The following ZMYM6 variants were observed in gnomAD, a reference collection of about 807,000 sequenced individuals.
ZMYM6 encodes the protein zinc finger MYM-type protein 6.
In ZMYM6, 90 loss-of-function variants were observed where a neutral mutation model predicts 134.0. The ratio of observed to expected loss-of-function variants is 0.67; its 90% confidence interval spans 0.57 to 0.80. ZMYM6 has a LOEUF of 0.80. Ranked by LOEUF, ZMYM6 falls within the 30% of genes least tolerant of loss-of-function variation. The pLI is 0.00. For missense variants in ZMYM6, 1,362 were observed against 1,533.9 expected (o/e 0.89, Z 1.87); for synonymous variants, 481 against 524.1 (o/e 0.92, Z 1.12).
chr1:34,989,257 GC>G (rs1168543615), intron 15 of ZMYM6: 2 of 1,048,940 alleles, frequency 1.9e-6, no homozygotes, highest in African/African-American at 3.4e-5. Context: ...AAACTTTTTG[GC>G]TGAGCAGGGT....
chr1:35,005,091 A>AC (rs1459287055), intron 13 of ZMYM6, 41 bp downstream of exon 13: 1 of 1,610,024 alleles, frequency 6.2e-7, no homozygotes, highest in South Asian at 1.1e-5. Context: ...GACAACACTC[A>AC]CTTCTATGGC....
Position 35,025,466 on chromosome 1 carries a change from C to CAAAAAAAAAAAAAAA in ZMYM6, c.94-5014_94-5000dup, listed in dbSNP as rs1161814959. Among the ~76,000 whole-genome samples the CAAAAAAAAAAAAAAA allele has an allele frequency of 3.4e-3, 186 of 54,470 alleles. 2 individuals carry two copies. The highest frequency in any genetic ancestry group is 4.7e-3 in the Non-Finnish European group (120 of 25,532). 35.7% of individuals were successfully genotyped at this position (54,470 alleles called of 152,430 possible). ...TGGGCTACAAAGCAAGACTCCATCC[C>CAAAAAAAAAAAAAAA]AAAAAAAAAAAAAAAAAAAAAAGAA... is the stretch of plus-strand genomic sequence containing the variant. On this transcript the variant is annotated intron_variant, in intron 2 of 15. Coordinates refer to ENST00000357182, the MANE Select transcript of ZMYM6 (RefSeq NM_007167.4).
At chr1:35,015,329 G>A (rs1273028623) in intron 4 of ZMYM6, among the ~76,000 whole-genome samples, 167 bp from the exon 5 acceptor site, 1 of 152,144 alleles carries the variant, frequency 6.6e-6, no homozygotes, top group Non-Finnish European at 1.5e-5. Flanking sequence ...TATCAGGTGA[G>A]TGACAATGAA....
Position 34,988,509 on chromosome 1 carries a change from A to G in ZMYM6, c.2573T>C (p.Val858Ala), listed in dbSNP as rs758467434. ...ACCCAAAACTTCTGAACACATTTCT[A>G]CTAAATATGGTTTAATTAATTCTTC... ...IAEELIKPYL[V>A]EMCSEVLGSS... Residue 858 changes from valine to alanine, a missense_variant, in exon 16 of 16, where the codon GTA (valine) becomes GCA (alanine). Physicochemically the swap from Val to Ala is moderately conservative, Grantham distance 64. Coordinates refer to ENST00000357182, the MANE Select transcript of ZMYM6 (RefSeq NM_007167.4). 2 of 1,550,990 alleles carry G rather than the reference A, an allele frequency of 1.3e-6. No individual in the cohort carries two copies. The highest frequency in any genetic ancestry group is 1.7e-6 in the Non-Finnish European group (2 of 1,146,718).
chr1:34,995,343 C>T (rs963639195), intron 14 of ZMYM6, among the ~76,000 whole-genome samples: 5 of 149,422 alleles, frequency 3.3e-5, no homozygotes, highest in South Asian at 2.1e-4. Context: ...TATGTATATA[C>T]GTTGTATATG....
At chr1:35,006,588 C>T (rs1004387756) in intron 12 of ZMYM6, among the ~76,000 whole-genome samples, 12 of 152,184 alleles carry the variant, frequency 7.9e-5, no homozygotes, top group African/African-American at 2.9e-4. Context: ...ACTATACTCT[C>T]CCTTTGTTTG....
intron 14 of ZMYM6, among the ~76,000 whole-genome samples, chr1:34,997,226 A>G (rs1212241786): frequency 6.6e-6 from 1 of 152,206 alleles, no homozygotes; most frequent in East Asian, 1.9e-4. Flanking sequence ...TTTGAAGTTA[A>G]ATATCTTTGC....
At chr1:35,028,756 C>T (rs1462261411) in intron 2 of ZMYM6, among the ~76,000 whole-genome samples, 3 of 151,932 alleles carry the variant, frequency 2.0e-5, no homozygotes, top group African/African-American at 7.2e-5. Flanking sequence ...GCCTTGGCCT[C>T]CCAAAGTGCT....
At chr1:34,990,437 C>T (rs905449583) in intron 15 of ZMYM6, 16 of 161,040 alleles carry the variant, frequency 9.9e-5, no homozygotes, top group African/African-American at 2.9e-4. Context: ...GAGCCGAGAT[C>T]GCGCCACTAC....
chr1:35,020,301 C>A, intron 3 of ZMYM6, 82 bp downstream of exon 3: 2 of 1,242,160 alleles, frequency 1.6e-6, no homozygotes, highest in Non-Finnish European at 2.2e-6. Flanking sequence ...GAAAGACATA[C>A]ATGAAAAGAT....
At position 35,020,235 on chromosome 1, in the gene ZMYM6, A is replaced by C. The variant is rs75141027; in HGVS notation, c.178+148T>G. On this transcript the variant is annotated intron_variant, in intron 3 of 15. Transcript: ENST00000357182. ...GATATAATCTTACTCTATTTTTTAA[A>C]ACGCTGCTGAAAACCAGCTACTCAC... 6.5e-3 allele frequency: 3,830 copies of C among 586,676 alleles called. 113 individuals are homozygous for C. Among genetic ancestry groups the C allele is most frequent in the African/African-American group, 0.064 (3,468 of 53,906 alleles). The allele number at this position is 586,676 out of a possible 1,614,324, so 36.3% of individuals were successfully genotyped here. A position where few individuals can be genotyped will look rare whatever the true frequency, so the allele number is the denominator to read the frequency against.
At chr1:35,031,572 A>G (rs1024323793) in intron 1 of ZMYM6, 1 of 152,204 alleles carries the variant, frequency 6.6e-6, no homozygotes, top group Non-Finnish European at 1.5e-5. Flanking sequence ...TGAGAACCGC[A>G]CGCTTTCCGA....
Position 35,012,434 on chromosome 1 carries a change from A to T in ZMYM6, c.943T>A (p.Ser315Thr). Residue 315 changes from serine to threonine, a missense_variant, in exon 7 of 16, where the codon TCA becomes ACA. Transcript: ENST00000357182. The stretch of plus-strand genomic sequence containing the variant: ...ATTTATCAAATTTAAACATTACCTG[A>T]AGAAGTAACAGTCTTAACTCTGTAA... ...SAYRVKTVTSSGVQVSCHSCK... is the reference protein window; with the variant it reads ...SAYRVKTVTSTGVQVSCHSCK... 1.3e-6 allele frequency: 2 copies of T among 1,529,906 alleles called. No homozygotes were observed. Among genetic ancestry groups the T allele is most frequent in the Non-Finnish European group, 8.7e-7 (1 of 1,143,626 alleles). The allele number at this position is 1,529,906 out of a possible 1,614,324, so 94.8% of individuals were successfully genotyped here.
At chr1:35,019,734 GCA>G in intron 3 of ZMYM6, 132 bp from the exon 4 acceptor site, 8 of 1,096,146 alleles carry the variant, frequency 7.3e-6, no homozygotes, top group Non-Finnish European at 1.0e-5. Context: ...GTGCAGTGGT[GCA>G]ATCAAGGCTC....
At chr1:35,021,672 T>A (rs974284901) in intron 2 of ZMYM6, among the ~76,000 whole-genome samples, 5 of 151,884 alleles carry the variant, frequency 3.3e-5, no homozygotes, top group Non-Finnish European at 7.4e-5. Context: ...TGATTTAGAG[T>A]TTGGATTTCA....
Position 35,020,439 on chromosome 1 carries a change from GTT to G in ZMYM6, c.120_121del (p.Lys40AsnfsTer5). 1 of 1,606,926 alleles carries G rather than the reference GTT, an allele frequency of 6.2e-7. No homozygotes were observed. Among genetic ancestry groups the G allele is most frequent in the Non-Finnish European group, 8.5e-7 (1 of 1,177,452 alleles). ...ACCAATTTTCAATTTACTTTCTTGAGTTTTTGGCTGTTGGACACATCCATACT... is the reference window on the plus strand; with the variant it reads ...ACCAATTTTCAATTTACTTTCTTGAGTTTGGCTGTTGGACACATCCATACT... On this transcript the variant is annotated frameshift_variant, in exon 3 of 16. Coordinates refer to ENST00000357182, the MANE Select transcript of ZMYM6 (RefSeq NM_007167.4). LOFTEE classifies it high-confidence loss of function.
Position 35,014,598 on chromosome 1 carries a change from G to C in ZMYM6, c.795+99C>G, listed in dbSNP as rs1641147998. 2.5e-5 allele frequency: 28 copies of C among 1,141,806 alleles called. No individual in the cohort carries two copies. In the South Asian group the frequency reaches 4.0e-4, roughly 16 times the overall value. 70.7% of individuals were successfully genotyped at this position (1,141,806 alleles called of 1,614,324 possible). On this transcript the variant is annotated intron_variant, in intron 6 of 15. Transcript: ENST00000357182. ...GGAAGGGAAATCACATATCAGGATGGACTAATGGGAGGAGCTCACTCTCAT... is the reference window on the plus strand; with the variant it reads ...GGAAGGGAAATCACATATCAGGATGCACTAATGGGAGGAGCTCACTCTCAT...
At chr1:35,001,130 C>T (rs1640873296) in intron 14 of ZMYM6, among the ~76,000 whole-genome samples, 1 of 152,120 alleles carries the variant, frequency 6.6e-6, no homozygotes, top group Admixed American at 6.6e-5. Context: ...AAAAAGTTTG[C>T]TGAGTTTTAC....
At chr1:35,006,264 T>A (rs1246180620) in intron 12 of ZMYM6, among the ~76,000 whole-genome samples, 2 of 152,210 alleles carry the variant, frequency 1.3e-5, no homozygotes, top group African/African-American at 4.8e-5. Flanking sequence ...CATCTCAGCC[T>A]TCCAAAGTGC....
Sources: allele counts gnomAD v4.1 joint callset (sites outside exome capture counted in the v4.1 genomes callset), GRCh38; gene constraint gnomAD v4.1.1; transcripts MANE v1.5; gene names NCBI Gene and HGNC (gene_info 2026-07-23, HGNC 2026-07-21).